Variants in ITGA8 observed in about 807,000 individuals in gnomAD.
The protein encoded by ITGA8 is integrin subunit alpha 8.
A neutral mutation model predicts 142.3 loss-of-function variants in ITGA8; 91 were observed. The ratio of observed to expected loss-of-function variants is 0.64; its 90% confidence interval spans 0.54 to 0.76. ITGA8 has a LOEUF of 0.76. Among genes scored for constraint, ITGA8 ranks in the 30% least tolerant of loss-of-function variants. ITGA8 has a pLI of 0.00. For synonymous variants in ITGA8, 505 were observed against 485.2 expected, an observed-to-expected ratio of 1.04 and a Z score of -0.54; for missense variants, 1,406 against 1,327.7, an observed-to-expected ratio of 1.06 and a Z score of -0.92.
chr10:15,660,820 A>C, intron 9 of ITGA8, 59 bp downstream of exon 9: 3 of 1,349,704 alleles, frequency 2.2e-6, no homozygotes, highest in Non-Finnish European at 3.2e-6. Context: ...ATGTAATTCC[A>C]TCAAGGAGCA....
chr10:15,694,202 TCATATATATGATAA>T, intron 2 of ITGA8, among the ~76,000 whole-genome samples: 1 of 142,568 alleles, frequency 7.0e-6, no homozygotes, highest in Admixed American at 7.3e-5. Flanking sequence ...TGATAATATA[TCATATATATGATAA>T]CATATCATAT....
At chr10:15,710,595 C>A (rs369868007) in intron 2 of ITGA8, among the ~76,000 whole-genome samples, 4 of 152,150 alleles carry the variant, frequency 2.6e-5, no homozygotes, top group Admixed American at 2.0e-4. Context: ...TGTGGCAACA[C>A]GTGTGTATGC....
At position 15,616,168 on chromosome 10, in the gene ITGA8, C is replaced by T. The variant is rs79862495; in HGVS notation, c.1445+346G>A. 1.1e-4 allele frequency among the ~76,000 whole-genome samples: 17 copies of T among 152,334 alleles called. No individual in the cohort carries two copies. In the East Asian group the frequency reaches 2.3e-3, roughly 21 times the overall value. ...AGCCAGGATAAATAGTAACATTCTT[C>T]TACCCTGCACCGCTTCTTTACAAGT... On this transcript the variant is annotated intron_variant, in intron 14 of 29. Coordinates refer to ENST00000378076, the MANE Select transcript of ITGA8 (RefSeq NM_003638.3).
intron 13 of ITGA8, among the ~76,000 whole-genome samples, chr10:15,627,155 A>G (rs1423832290): frequency 6.6e-6 from 1 of 152,198 alleles, no homozygotes; most frequent in Non-Finnish European, 1.5e-5. Flanking sequence ...CTGAGGGGTC[A>G]TATTACAAAC....
chr10:15,671,849 A>C (rs946546409), intron 7 of ITGA8, among the ~76,000 whole-genome samples: 2 of 148,750 alleles, frequency 1.3e-5, no homozygotes, highest in East Asian at 4.1e-4. Context: ...AGTGCATAAT[A>C]GATTATCTAC....
intron 25 of ITGA8, among the ~76,000 whole-genome samples, chr10:15,561,301 T>A (rs566250298): frequency 4.2e-4 from 63 of 149,198 alleles, no homozygotes; most frequent in African/African-American, 1.4e-3. Flanking sequence ...AATGCATAAA[T>A]AAATGGAAAA....
intron 22 of ITGA8, among the ~76,000 whole-genome samples, chr10:15,591,410 T>C (rs1305553869): frequency 4.0e-5 from 2 of 50,204 alleles, no homozygotes; most frequent in African/African-American, 1.2e-4. Flanking sequence ...TTAATATATA[T>C]TATATTATAT....
At chr10:15,625,112 A>G (rs1490701376) in intron 13 of ITGA8, among the ~76,000 whole-genome samples, 1 of 152,186 alleles carries the variant, frequency 6.6e-6, no homozygotes, top group South Asian at 2.1e-4. Flanking sequence ...TTTATCCCAG[A>G]AAGTAATAAT....
intron 13 of ITGA8, among the ~76,000 whole-genome samples, chr10:15,637,748 C>T (rs544532811): frequency 1.3e-5 from 2 of 152,016 alleles, no homozygotes; most frequent in African/African-American, 4.8e-5. Flanking sequence ...CTGCCCTGGC[C>T]TGCCAAAGTA....
At chr10:15,632,644 A>G (rs1833704079) in intron 13 of ITGA8, among the ~76,000 whole-genome samples, 1 of 152,186 alleles carries the variant, frequency 6.6e-6, no homozygotes, top group Non-Finnish European at 1.5e-5. Context: ...TAGCACTCTT[A>G]TCACACCAAG....
At chr10:15,525,251 T>C (rs980768402) in intron 28 of ITGA8, among the ~76,000 whole-genome samples, 1 of 152,152 alleles carries the variant, frequency 6.6e-6, no homozygotes, top group East Asian at 1.9e-4. Context: ...GTAGGTATTA[T>C]CAGCTTCAAG....
intron 20 of ITGA8, among the ~76,000 whole-genome samples, chr10:15,598,296 A>G (rs980593614): frequency 6.6e-6 from 1 of 152,018 alleles, no homozygotes; most frequent in Non-Finnish European, 1.5e-5. Context: ...CAATATAATG[A>G]CCATTTATCC....
intron 6 of ITGA8, among the ~76,000 whole-genome samples, chr10:15,674,952 T>C (rs987163999): frequency 5.2e-5 from 7 of 135,862 alleles, no homozygotes; most frequent in Non-Finnish European, 8.2e-5. Flanking sequence ...AAAAAAAAAA[T>C]CATAAATCTA....
chr10:15,532,800 T>C (rs1465343251), intron 27 of ITGA8, among the ~76,000 whole-genome samples: 1 of 152,132 alleles, frequency 6.6e-6, no homozygotes, highest in Non-Finnish European at 1.5e-5. Context: ...ACTTAAATTA[T>C]ATAAATGTAA....
At chr10:15,627,036 A>G (rs1225493366) in intron 13 of ITGA8, among the ~76,000 whole-genome samples, 1 of 152,110 alleles carries the variant, frequency 6.6e-6, no homozygotes, top group Non-Finnish European at 1.5e-5. Flanking sequence ...TCATTATTGA[A>G]CTTCCAGCAT....
rs1832938395 is a variant in ITGA8 at position 15,515,006 on chromosome 10, A to T, written c.*2152T>A. 6.6e-6 allele frequency: 1 copy of T among 152,072 alleles called. No homozygotes were observed. 9.4% of individuals were successfully genotyped at this position (152,072 alleles called of 1,614,324 possible). A position where few individuals can be genotyped will look rare whatever the true frequency, so the allele number is the denominator to read the frequency against. ...CTAAGAGTTCTCAGTTCCTTCACCA[A>T]TGTTGGCTTAAAGACAAGGGGTGCA... On this transcript the variant is annotated 3_prime_UTR_variant, in exon 30 of 30. Transcript: ENST00000378076.
chr10:15,693,539 C>T (rs1212578466), intron 2 of ITGA8, among the ~76,000 whole-genome samples: 1 of 152,110 alleles, frequency 6.6e-6, no homozygotes, highest in African/African-American at 2.4e-5. Flanking sequence ...CCAAAGTGCA[C>T]ATGACTAACA....
chr10:15,605,418 A>G (rs1564371016), intron 19 of ITGA8, among the ~76,000 whole-genome samples: 1 of 152,148 alleles, frequency 6.6e-6, no homozygotes. Context: ...TGTCTACTTG[A>G]CTGAGGCAAG....
At chr10:15,594,184 G>C (rs1039239916) in intron 21 of ITGA8, among the ~76,000 whole-genome samples, 1 of 151,860 alleles carries the variant, frequency 6.6e-6, no homozygotes, top group Non-Finnish European at 1.5e-5. Context: ...TTTCTGTCAG[G>C]CTCTTCTCTC....
Sources: gnomAD v4.1 joint callset for allele counts (sites outside exome capture counted in the v4.1 genomes callset) on GRCh38, gnomAD v4.1.1 for gene constraint, MANE v1.5 for transcripts, NCBI Gene and HGNC (gene_info 2026-07-23, HGNC 2026-07-21) for gene names.